The following MARVELD2 variants were observed in gnomAD, a reference collection of about 807,000 sequenced individuals.
The protein encoded by MARVELD2 is MARVEL domain containing 2.
Under a neutral mutation model 57.6 loss-of-function variants are expected in MARVELD2, and 49 were observed. The observed-to-expected ratio is 0.85, with a 90% CI of 0.68 to 1.08. The LOEUF is 1.08. MARVELD2 is among the 50% of genes least tolerant of loss of function. The probability of loss-of-function intolerance (pLI) is 0.00; values close to 1 mark genes in which losing one functional copy is unlikely to be tolerated. For synonymous variants in MARVELD2, 238 were observed against 258.8 expected, an observed-to-expected ratio of 0.92 and a Z score of 0.77; for missense variants, 606 against 701.1, an observed-to-expected ratio of 0.86 and a Z score of 1.53.
At position 69,419,593 on chromosome 5, in the gene MARVELD2, G is replaced by A. The variant is rs1458018629; in HGVS notation, c.208G>A (p.Ala70Thr). 10 of 1,614,066 alleles carry A rather than the reference G, an allele frequency of 6.2e-6. No individual in the cohort carries two copies. The highest frequency in any genetic ancestry group is 8.5e-6 in the Non-Finnish European group (10 of 1,179,996). The change falls in exon 2 of 7, where the codon GCT becomes ACT. Residue 70 changes from alanine to threonine, a missense_variant. Ala to Thr is a moderately conservative substitution (Grantham distance 58, BLOSUM62 0). Coordinates refer to ENST00000325631, the MANE Select transcript of MARVELD2 (RefSeq NM_001038603.3). The stretch of plus-strand genomic sequence containing the variant: ...CTACTCAAGTGACACAGAAGAACCA[G>A]CTATAGCGCCAGATCTCAAACCAGT... Reference protein sequence around the residue: ...DFYSSDTEEPAIAPDLKPVRR... With the variant: ...DFYSSDTEEPTIAPDLKPVRR...
intron 5 of MARVELD2, among the ~76,000 whole-genome samples, chr5:69,436,446 C>T (rs1464422624): frequency 7.1e-6 from 1 of 140,404 alleles, no homozygotes; most frequent in African/African-American, 2.8e-5. Flanking sequence ...CACACACACA[C>T]ACACACATAT....
chr5:69,427,167 G>T (rs575971622), intron 3 of MARVELD2, among the ~76,000 whole-genome samples: 1 of 152,182 alleles, frequency 6.6e-6, no homozygotes, highest in East Asian at 1.9e-4. Flanking sequence ...AGAAATAATA[G>T]ATATAAGATC....
chr5:69,420,476 A>G lies in MARVELD2; in HGVS notation c.1091A>G (p.Lys364Arg), dbSNP rs530063691. The change falls in exon 2 of 7, where the codon AAG (lysine) becomes AGG (arginine). Residue 364 changes from lysine (K) to arginine (R), a missense_variant. By Grantham distance (26) the Lys-to-Arg change is conservative. Transcript: ENST00000325631. Reference sequence around the variant, plus strand: ...CTCATTAGTGCTTTGGTTTGCCTAAAGTTATGGAGGCATGAGGCAGCTCGG... The same window carrying G: ...CTCATTAGTGCTTTGGTTTGCCTAAGGTTATGGAGGCATGAGGCAGCTCGG... ...VYLISALVCL[K>R]LWRHEAARRH... 1 of 1,613,524 alleles carries G rather than the reference A, an allele frequency of 6.2e-7. No individual in the cohort carries two copies. The highest frequency in any genetic ancestry group is 1.3e-5 in the African/African-American group (1 of 75,054).
intron 3 of MARVELD2, among the ~76,000 whole-genome samples, chr5:69,428,218 T>TATGTAGAAA (rs1169000171): frequency 8.9e-6 from 1 of 112,792 alleles, no homozygotes; most frequent in East Asian, 2.6e-4. Flanking sequence ...AAAAAAAATT[T>TATGTAGAAA]AGGCCGGGCA....
At chr5:69,440,425 T>C (rs1386519785) in intron 5 of MARVELD2, 25 bp from the exon 6 acceptor site, 2 of 1,149,314 alleles carry the variant, frequency 1.7e-6, no homozygotes, top group South Asian at 2.5e-5. Context: ...TGTTTTAACT[T>C]AAGTATACAA....
At chr5:69,429,048 A>G (rs1766879336) in intron 3 of MARVELD2, among the ~76,000 whole-genome samples, 1 of 152,174 alleles carries the variant, frequency 6.6e-6, no homozygotes, top group South Asian at 2.1e-4. Context: ...TTGCCTAAAA[A>G]TATCCTGGCT....
Position 69,419,839 on chromosome 5 carries a change from G to C in MARVELD2, c.454G>C (p.Ala152Pro). The change falls in exon 2 of 7, where the codon GCA becomes CCA. Residue 152 changes from alanine to proline, a missense_variant. Ala to Pro is a conservative substitution (Grantham distance 27). Transcript: ENST00000325631. ...GTFSSRKEAD[A>P]VFPRDPYGSL... is the part of the protein sequence containing the mutation. ...CTTTAGTTCCCGGAAAGAGGCTGAC[G>C]CAGTGTTTCCCCGGGATCCCTATGG... 6.2e-7 allele frequency: 1 copy of C among 1,614,168 alleles called. No individual in the cohort carries two copies. The highest frequency in any genetic ancestry group is 8.5e-7 in the Non-Finnish European group (1 of 1,180,042).
At chr5:69,435,135 C>T (rs1486185540) in intron 5 of MARVELD2, among the ~76,000 whole-genome samples, 2 of 151,296 alleles carry the variant, frequency 1.3e-5, no homozygotes, top group African/African-American at 4.9e-5. Context: ...GATTCTCCTG[C>T]CTCAGCTTCC....
chr5:69,423,250 T>C (rs575563847), intron 2 of MARVELD2, among the ~76,000 whole-genome samples: 12 of 151,866 alleles, frequency 7.9e-5, no homozygotes, highest in East Asian at 1.9e-4. Context: ...TTGTTGTCGT[T>C]GTTGTTGTTG....
intron 1 of MARVELD2, among the ~76,000 whole-genome samples, chr5:69,417,020 TCTA>T (rs1263709415): frequency 1.3e-4 from 20 of 152,352 alleles, no homozygotes; most frequent in African/African-American, 4.6e-4. Context: ...TGGCCTCAGT[TCTA>T]CTATTCACCT....
At chr5:69,419,074 T>C in intron 1 of MARVELD2, 1 of 439,272 alleles carries the variant, frequency 2.3e-6, no homozygotes. Context: ...CACAGGCGCA[T>C]GCCACAACGC....
Position 69,419,681 on chromosome 5 carries a change from G to A in MARVELD2, c.296G>A (p.Trp99Ter), listed in dbSNP as rs993107184. ...FFRGKKKDPEWDKPVSDIRYI... is the reference protein window; with the variant it reads ...FFRGKKKDPE ...AGAGGGAAGAAAAAGGACCCCGAAT[G>A]GGATAAGCCGGTGTCTGATATCAGG... The change falls in exon 2 of 7, where the codon TGG becomes TAG. Residue 99 changes from tryptophan to a stop codon, truncating the protein, a stop_gained. Transcript: ENST00000325631. LOFTEE classifies it high-confidence loss of function. 6 of 1,614,144 alleles carry A rather than the reference G, an allele frequency of 3.7e-6. No homozygotes were observed. Among genetic ancestry groups the A allele is most frequent in the Non-Finnish European group, 5.1e-6 (6 of 1,180,046 alleles).
In MARVELD2 at chr5:69,441,518, T is replaced by C. The variant is rs752026288; in HGVS notation, c.1555-14T>C. ...AAGCCAGGAGCCAAAATAATACTTA[T>C]ATTTCTTTTACAGGATCCTACATTT... On this transcript the variant is annotated splice_polypyrimidine_tract_variant and intron_variant, in intron 6 of 6. Coordinates refer to ENST00000325631, the MANE Select transcript of MARVELD2 (RefSeq NM_001038603.3). The C allele has an allele frequency of 7.5e-6, 12 of 1,608,806 alleles. No individual in the cohort carries two copies. In the South Asian group the frequency reaches 7.7e-5, roughly 10 times the overall value.
intron 2 of MARVELD2, among the ~76,000 whole-genome samples, chr5:69,420,980 A>G (rs1251896936): frequency 6.6e-6 from 1 of 152,220 alleles, no homozygotes; most frequent in Non-Finnish European, 1.5e-5. Context: ...AGTGAGTTGA[A>G]TAAAGCCAAA....
chr5:69,420,654 C>CTTT, intron 2 of MARVELD2, 123 bp downstream of exon 2: 12 of 769,054 alleles, frequency 1.6e-5, no homozygotes, highest in Admixed American at 3.0e-5. Context: ...TTCTTTCTTC[C>CTTT]TTTTTTTTTT....
intron 3 of MARVELD2, among the ~76,000 whole-genome samples, chr5:69,425,317 C>T (rs1016861047): frequency 1.1e-4 from 17 of 149,638 alleles, no homozygotes; most frequent in South Asian, 4.2e-4. Context: ...GTGGGTGCAG[C>T]GCACCAGCAT....
chr5:69,444,121 A>G lies in MARVELD2; in HGVS notation c.*2467A>G, dbSNP rs569698015. Reference sequence around the variant, plus strand: ...TGAAACTTTTAAAATAAAGTTTATAAATGTAGCTAATCTTTGAAAAACCAA... The same window carrying G: ...TGAAACTTTTAAAATAAAGTTTATAGATGTAGCTAATCTTTGAAAAACCAA... On this transcript the variant is annotated 3_prime_UTR_variant, in exon 7 of 7. Transcript: ENST00000325631. 1.8e-4 allele frequency: 28 copies of G among 152,136 alleles called. No individual in the cohort carries two copies. In the East Asian group the frequency reaches 4.6e-3, roughly 25 times the overall value. 9.4% of individuals were successfully genotyped at this position (152,136 alleles called of 1,614,324 possible).
At chr5:69,426,545 G>A (rs1766799902) in intron 3 of MARVELD2, among the ~76,000 whole-genome samples, 1 of 151,846 alleles carries the variant, frequency 6.6e-6, no homozygotes, top group African/African-American at 2.4e-5. Context: ...ATGTTGGTCA[G>A]GCTGGTCTCG....
intron 1 of MARVELD2, chr5:69,415,695 TTC>T (rs1766385639): frequency 6.6e-6 from 1 of 152,262 alleles, no homozygotes; most frequent in Non-Finnish European, 1.5e-5. Context: ...ATCTACCCGT[TTC>T]TTGGGTCCAG....
Sources: gnomAD v4.1 joint callset for allele counts (sites outside exome capture counted in the v4.1 genomes callset) on GRCh38, gnomAD v4.1.1 for gene constraint, MANE v1.5 for transcripts, NCBI Gene and HGNC (gene_info 2026-07-23, HGNC 2026-07-21) for gene names.